LRCH1: variants seen among roughly 807,000 people sequenced by gnomAD.
LRCH1 encodes the protein leucine rich repeats and calponin homology domain containing 1, also known as leucine-rich repeat and calponin homology domain-containing protein 1.
LRCH1 carries 23 observed loss-of-function variants against 94.9 expected under a neutral mutation model. The observed-to-expected ratio is 0.24, with a 90% confidence interval of 0.17 to 0.34. The LOEUF (loss-of-function observed/expected upper bound fraction) is 0.34. Ranked by LOEUF, LRCH1 falls within the 10% of genes least tolerant of loss-of-function variation. LRCH1 has a pLI of 1.00. For synonymous variants in LRCH1, 364 were observed against 354.9 expected, an observed-to-expected ratio of 1.03 and a Z score of -0.29; for missense variants, 790 against 945.9, an observed-to-expected ratio of 0.84 and a Z score of 2.16.
intron 1 of LRCH1, among the ~76,000 whole-genome samples, chr13:46,645,414 G>C (rs557641230): frequency 1.8e-4 from 27 of 152,288 alleles, no homozygotes; most frequent in African/African-American, 6.5e-4. Flanking sequence ...TACAGTATTG[G>C]TGGGTTTATA....
intron 1 of LRCH1, among the ~76,000 whole-genome samples, chr13:46,614,753 GTAT>G (rs1458903995): frequency 1.3e-5 from 2 of 152,064 alleles, no homozygotes; most frequent in Non-Finnish European, 2.9e-5. Context: ...CAGATGAAAG[GTAT>G]TATGACATTC....
chr13:46,647,410 G>A (rs532394637), intron 1 of LRCH1, among the ~76,000 whole-genome samples: 40 of 151,930 alleles, frequency 2.6e-4, no homozygotes, highest in Non-Finnish European at 5.4e-4. Context: ...AGAGCCATTC[G>A]TATATCATTT....
intron 3 of LRCH1, among the ~76,000 whole-genome samples, chr13:46,677,358 G>T (rs9562677): frequency 6.6e-6 from 1 of 151,768 alleles, no homozygotes; most frequent in African/African-American, 2.4e-5. Flanking sequence ...GAACCTGGGC[G>T]GCAGAGGTTT....
At chr13:46,667,265 G>T (rs2051529345) in intron 2 of LRCH1, among the ~76,000 whole-genome samples, 1 of 152,148 alleles carries the variant, frequency 6.6e-6, no homozygotes, top group African/African-American at 2.4e-5. Flanking sequence ...GCCGTGCCCA[G>T]ATTAGAAAGG....
chr13:46,612,065 C>T (rs888414601), intron 1 of LRCH1, among the ~76,000 whole-genome samples: 2 of 152,060 alleles, frequency 1.3e-5, no homozygotes, highest in African/African-American at 4.8e-5. Flanking sequence ...AAAACAAAAC[C>T]GACAGCCTGT....
intron 11 of LRCH1, among the ~76,000 whole-genome samples, chr13:46,702,202 A>AGGTT (rs1871513279): frequency 2.2e-5 from 1 of 44,904 alleles, no homozygotes; most frequent in African/African-American, 2.3e-4. Context: ...TTGCCTTGAG[A>AGGTT]AGTTATAAGT....
intron 16 of LRCH1, among the ~76,000 whole-genome samples, chr13:46,716,449 T>C (rs527269602): frequency 2.6e-5 from 4 of 152,344 alleles, no homozygotes; most frequent in Admixed American, 2.0e-4. Flanking sequence ...ATTTTAAACA[T>C]TTTACTTCAG....
At chr13:46,609,685 A>G (rs2050726152) in intron 1 of LRCH1, among the ~76,000 whole-genome samples, 1 of 152,234 alleles carries the variant, frequency 6.6e-6, no homozygotes, top group Non-Finnish European at 1.5e-5. Flanking sequence ...CTGGGTGAAC[A>G]CAACAGAGGT....
intron 9 of LRCH1, among the ~76,000 whole-genome samples, chr13:46,697,585 C>T (rs936988516): frequency 6.6e-6 from 1 of 152,096 alleles, no homozygotes; most frequent in Non-Finnish European, 1.5e-5. Context: ...ATGGCACTAA[C>T]TAGACTGTGA....
intron 1 of LRCH1, among the ~76,000 whole-genome samples, chr13:46,644,525 T>G (rs1170281460): frequency 6.6e-6 from 1 of 152,246 alleles, no homozygotes; most frequent in Non-Finnish European, 1.5e-5. Flanking sequence ...AAGCTTTTGT[T>G]TTTCTGTTTT....
In LRCH1 at chr13:46,705,091, G is replaced by T; in HGVS notation, c.1424G>T (p.Arg475Ile). 1.3e-6 allele frequency: 2 copies of T among 1,598,664 alleles called. No individual in the cohort carries two copies. Among genetic ancestry groups the T allele is most frequent in the Non-Finnish European group, 1.7e-6 (2 of 1,170,618 alleles). Residue 475 changes from arginine (R) to isoleucine (I), a missense_variant, in exon 12 of 20, where the codon AGA (arginine) becomes ATA (isoleucine). This residue lies in a region of LRCH1 where 460 missense variants were observed against 508.9 expected (regional missense o/e 0.90). Coordinates refer to ENST00000389797, the MANE Select transcript of LRCH1 (RefSeq NM_001164211.2). ...PNGLSTDITERSVLNLYPMGS... is the reference protein window; with the variant it reads ...PNGLSTDITEISVLNLYPMGS... The stretch of plus-strand genomic sequence containing the variant: ...AGATTAAGCACAGATATTACAGAGA[G>T]AAGTGTTTTAAACCTATATCCTATG...
intron 15 of LRCH1, among the ~76,000 whole-genome samples, chr13:46,715,153 T>C (rs1215927749): frequency 2.6e-5 from 4 of 152,242 alleles, no homozygotes; most frequent in Non-Finnish European, 4.4e-5. Flanking sequence ...TTTTTTTGTG[T>C]GTGAATCATA....
intron 13 of LRCH1, 87 bp from the exon 14 acceptor site, chr13:46,711,704 C>T: frequency 1.1e-6 from 1 of 938,612 alleles, no homozygotes; most frequent in South Asian, 1.5e-5. Flanking sequence ...GGACCGGGGA[C>T]ATGATGGCAG....
intron 1 of LRCH1, among the ~76,000 whole-genome samples, chr13:46,564,202 C>A (rs573418906): frequency 6.6e-6 from 1 of 152,200 alleles, no homozygotes; most frequent in Admixed American, 6.5e-5. Context: ...CAGCCCCCGA[C>A]TCACAAACGG....
At position 46,667,220 on chromosome 13, in the gene LRCH1, C is replaced by A. The variant is rs61949309; in HGVS notation, c.453-1810C>A. On this transcript the variant is annotated intron_variant, in intron 2 of 19. Coordinates refer to ENST00000389797, the MANE Select transcript of LRCH1 (RefSeq NM_001164211.2). ...ACATAGTTACATGGGTAATTGAGTGCCCTGGAGCAGCAGAGATATCAAGGT... is the reference window on the plus strand; with the variant it reads ...ACATAGTTACATGGGTAATTGAGTGACCTGGAGCAGCAGAGATATCAAGGT... Among the ~76,000 whole-genome samples, 84 of 152,028 alleles carry A rather than the reference C, an allele frequency of 5.5e-4. 1 individual carries two copies. The highest frequency in any genetic ancestry group is 9.8e-4 in the Admixed American group (15 of 15,266).
chr13:46,553,207 A>C lies in LRCH1; in HGVS notation c.-190A>C, dbSNP rs1309978813. ...TTCCCGGGGACAGGAAACCTTCAAG[A>C]CCGAGCTGCCACGGCCGCCTCCCCG... On this transcript the variant is annotated 5_prime_UTR_variant, in exon 1 of 20. Transcript: ENST00000389797. The C allele has an allele frequency of 1.1e-5, 6 of 571,006 alleles. No individual in the cohort carries two copies. Among genetic ancestry groups the C allele is most frequent in the African/African-American group, 6.0e-5 (3 of 49,592 alleles). 35.4% of individuals were successfully genotyped at this position (571,006 alleles called of 1,614,324 possible).
At chr13:46,640,856 G>A (rs2051149037) in intron 1 of LRCH1, among the ~76,000 whole-genome samples, 1 of 152,200 alleles carries the variant, frequency 6.6e-6, no homozygotes, top group African/African-American at 2.4e-5. Flanking sequence ...AGACCTCATG[G>A]TTCATATTGG....
chr13:46,684,203 GTTC>G (rs1328236577), intron 4 of LRCH1, among the ~76,000 whole-genome samples: 3 of 151,118 alleles, frequency 2.0e-5, no homozygotes, highest in East Asian at 1.9e-4. Flanking sequence ...AGTGGGATTT[GTTC>G]TTCTGCTTCT....
intron 9 of LRCH1, among the ~76,000 whole-genome samples, chr13:46,697,164 C>T (rs1256314205): frequency 6.6e-6 from 1 of 152,180 alleles, no homozygotes; most frequent in Non-Finnish European, 1.5e-5. Flanking sequence ...TTATTCACAG[C>T]AGTTATGTTG....
Sources: allele counts gnomAD v4.1 joint callset (sites outside exome capture counted in the v4.1 genomes callset), GRCh38; gene constraint gnomAD v4.1.1; regional missense constraint gnomAD v4.1.1; transcripts MANE v1.5; gene names NCBI Gene and HGNC (gene_info 2026-07-23, HGNC 2026-07-21).